RBPJ: variants seen among roughly 807,000 people sequenced by gnomAD.
The protein encoded by RBPJ is recombining binding protein suppressor of hairless.
Under a neutral mutation model 67.8 loss-of-function variants are expected in RBPJ, and 9 were observed. That is an observed-to-expected ratio of 0.13 (90% confidence interval 0.08 to 0.23). The LOEUF (loss-of-function observed/expected upper bound fraction) is 0.23, where lower values mean the gene tolerates loss of function less well. Among genes scored for constraint, RBPJ ranks in the 10% least tolerant of loss-of-function variants. RBPJ has a pLI of 1.00. For synonymous variants in RBPJ, 198 were observed against 203.3 expected (o/e 0.97, Z 0.22); for missense variants, 305 against 595.6 (o/e 0.51, Z 5.08).
intron 1 of RBPJ, among the ~76,000 whole-genome samples, chr4:26,283,732 C>T (rs1721362375): frequency 6.6e-6 from 1 of 151,572 alleles, no homozygotes; most frequent in Non-Finnish European, 1.5e-5. Flanking sequence ...CTGCAACCTC[C>T]ACCTCCCAGG....
chr4:26,158,948 TC>T (rs1716027073), upstream of RBPJ, among the ~76,000 whole-genome samples: 1 of 51,600 alleles, frequency 1.9e-5, no homozygotes, highest in Non-Finnish European at 4.1e-5. Context: ...TCTCTCTTTC[TC>T]TCTCTCTCTC....
At chr4:26,254,917 C>G (rs558147265) in intron 1 of RBPJ, among the ~76,000 whole-genome samples, 1 of 116,776 alleles carries the variant, frequency 8.6e-6, no homozygotes, top group South Asian at 2.8e-4. Context: ...CGAGACCAAG[C>G]TGGTCTTGAA....
chr4:26,274,803 G>C (rs1721025794), intron 1 of RBPJ, among the ~76,000 whole-genome samples: 2 of 152,054 alleles, frequency 1.3e-5, no homozygotes, highest in South Asian at 4.1e-4. Flanking sequence ...GGGTGGTGGT[G>C]CACATTTGTG....
chr4:26,240,333 C>T (rs1488262987), intron 1 of RBPJ, among the ~76,000 whole-genome samples: 1 of 152,174 alleles, frequency 6.6e-6, no homozygotes, highest in Non-Finnish European at 1.5e-5. Flanking sequence ...TGGGATACCC[C>T]GTCTGGGTCA....
chr4:26,316,523 A>G (rs199525594), upstream of RBPJ, among the ~76,000 whole-genome samples: 737 of 9,202 alleles, frequency 0.08, 7 homozygotes, highest in African/African-American at 0.085. Flanking sequence ...ATATATTCAT[A>G]TATATATTCA....
At chr4:26,414,326 C>T (rs1227816326) in intron 3 of RBPJ, among the ~76,000 whole-genome samples, 2 of 152,042 alleles carry the variant, frequency 1.3e-5, no homozygotes, top group Admixed American at 6.6e-5. Flanking sequence ...CCTGCCACCA[C>T]GCCCACTAAT....
the RBPJ span, among the ~76,000 whole-genome samples, chr4:26,119,865 C>T: frequency 6.6e-6 from 1 of 152,186 alleles, no homozygotes; most frequent in Non-Finnish European, 1.5e-5. Context: ...GAACCCTTTC[C>T]TTCATAGCTT....
chr4:26,297,332 C>CTT (rs1553858634), intron 1 of RBPJ, among the ~76,000 whole-genome samples: 1 of 126,616 alleles, frequency 7.9e-6, no homozygotes. Flanking sequence ...TAAAAAATCA[C>CTT]TTTGTGTGTG....
chr4:26,398,001 A>G (rs1383281925), intron 2 of RBPJ, among the ~76,000 whole-genome samples: 2 of 152,170 alleles, frequency 1.3e-5, no homozygotes, highest in East Asian at 3.9e-4. Flanking sequence ...CTGCTTTGTG[A>G]TTTGATGACT....
intron 1 of RBPJ, among the ~76,000 whole-genome samples, chr4:26,187,985 C>A (rs1442003435): frequency 1.3e-5 from 2 of 152,152 alleles, no homozygotes; most frequent in Non-Finnish European, 1.5e-5. Flanking sequence ...CAAGATCATG[C>A]CACTGCACTC....
At chr4:26,376,386 C>CT in intron 1 of RBPJ, among the ~76,000 whole-genome samples, 1 of 152,092 alleles carries the variant, frequency 6.6e-6, no homozygotes, top group Non-Finnish European at 1.5e-5. Context: ...AATATTTGTC[C>CT]TTTTGTGTTT....
the RBPJ span, among the ~76,000 whole-genome samples, chr4:26,144,451 G>A: frequency 6.6e-6 from 1 of 151,774 alleles, no homozygotes; most frequent in Non-Finnish European, 1.5e-5. Context: ...TGTATTTTTA[G>A]TAGAGATGGG....
chr4:26,144,901 C>T, the RBPJ span, among the ~76,000 whole-genome samples: 6 of 152,122 alleles, frequency 3.9e-5, no homozygotes, highest in African/African-American at 9.7e-5. Flanking sequence ...TGTCTTCACT[C>T]GAATTTATGT....
In RBPJ at chr4:26,430,846, C is replaced by A; in HGVS notation, c.1303C>A (p.Pro435Thr). 6.2e-7 allele frequency: 1 copy of A among 1,614,068 alleles called. No homozygotes were observed. Among genetic ancestry groups the A allele is most frequent in the Non-Finnish European group, 8.5e-7 (1 of 1,180,002 alleles). Residue 435 changes from proline to threonine, a missense_variant, in exon 11 of 11, where the codon CCA (proline) becomes ACA (threonine). Transcript: ENST00000355476. This position sits in a 1 kb window ranked among gnomAD's most constrained non-coding sequence, Gnocchi z 4.1. Reference sequence around the variant, plus strand: ...CCTTACCTTTACCTACACACCAGAACCAGGGCCGCGGCCACATTGCAGTGC... The same window carrying A: ...CCTTACCTTTACCTACACACCAGAAACAGGGCCGCGGCCACATTGCAGTGC... ...TSLTFTYTPE[P>T]GPRPHCSAAG... is the part of the protein sequence containing the mutation.
intron 2 of RBPJ, 48 bp from the exon 3 acceptor site, chr4:26,406,127 C>T: frequency 8.2e-7 from 1 of 1,217,520 alleles, no homozygotes; most frequent in Non-Finnish European, 1.2e-6. Flanking sequence ...TGAAAGATTT[C>T]ATCAAGAATT....
intron 1 of RBPJ, among the ~76,000 whole-genome samples, chr4:26,206,846 CT>C (rs549684825): frequency 8.7e-5 from 13 of 149,140 alleles, no homozygotes; most frequent in Admixed American, 4.7e-4. Context: ...CTTTTTTGGT[CT>C]TTTTTTTTCT....
chr4:26,257,934 T>C (rs571622728), intron 1 of RBPJ, among the ~76,000 whole-genome samples: 74 of 152,268 alleles, frequency 4.9e-4, no homozygotes, highest in Non-Finnish European at 8.5e-4. Flanking sequence ...GTTATGGCTA[T>C]GACCCATGAA....
intron 1 of RBPJ, among the ~76,000 whole-genome samples, chr4:26,185,214 C>T (rs1222894749): frequency 6.1e-5 from 9 of 147,150 alleles, no homozygotes; most frequent in Non-Finnish European, 1.2e-4. Flanking sequence ...CCAAGAAGGG[C>T]TTGTATTTTT....
In RBPJ at chr4:26,313,643, C is replaced by T. The variant is rs189652293; in HGVS notation, c.-166-48803C>T. Among the ~76,000 whole-genome samples, 48 of 151,710 alleles carry T rather than the reference C, an allele frequency of 3.2e-4. 2 individuals carry two copies. Among genetic ancestry groups the T allele is most frequent in the African/African-American group, 1.1e-3 (46 of 41,322 alleles). On this transcript the variant is annotated intron_variant, in intron 1 of 4. Coordinates refer to the RBPJ transcript ENST00000512351. ...CAAGATCATGCCACTGCATTCCAGC[C>T]TGGGTGACAGAGTAAAACTCCGTCT...
Sources: gnomAD v4.1 joint callset for allele counts (sites outside exome capture counted in the v4.1 genomes callset) on GRCh38, gnomAD v4.1.1 for gene constraint, Gnocchi (gnomAD v3.1) non-coding constraint, MANE v1.5 for transcripts, NCBI Gene and HGNC (gene_info 2026-07-23, HGNC 2026-07-21) for gene names.